The following NRG3 variants were observed in gnomAD, a reference collection of about 807,000 sequenced individuals.
NRG3 encodes neuregulin 3.
NRG3 carries 31 observed loss-of-function variants against 66.9 expected under a neutral mutation model. That is an observed-to-expected ratio of 0.46 (90% CI 0.35 to 0.63). NRG3 has a LOEUF of 0.63. Among genes scored for constraint, NRG3 ranks in the 20% least tolerant of loss-of-function variants. The probability of loss-of-function intolerance (pLI) is 0.00; values close to 1 mark genes in which losing one functional copy is unlikely to be tolerated. For synonymous variants in NRG3, 393 were observed against 359.4 expected (o/e 1.09, Z -1.06); for missense variants, 910 against 878.9 (o/e 1.04, Z -0.45).
intron 2 of NRG3, among the ~76,000 whole-genome samples, chr10:82,545,629 C>T (rs1023569879): frequency 7.2e-5 from 11 of 151,996 alleles, no homozygotes; most frequent in Non-Finnish European, 1.3e-4. Context: ...GATCCGCCCG[C>T]CTCGGCCTCC....
chr10:82,560,206 A>G (rs1274579919), intron 2 of NRG3, among the ~76,000 whole-genome samples: 1 of 151,690 alleles, frequency 6.6e-6, no homozygotes, highest in Non-Finnish European at 1.5e-5. Context: ...TTAACTTTTA[A>G]CTTATTTTTT....
chr10:82,131,970 T>C (rs2068855947), intron 1 of NRG3, among the ~76,000 whole-genome samples: 1 of 152,140 alleles, frequency 6.6e-6, no homozygotes, highest in Admixed American at 6.6e-5. Flanking sequence ...TAAGATTATA[T>C]CATCTGCAAG....
At chr10:82,700,591 C>G (rs979045147) in intron 2 of NRG3, among the ~76,000 whole-genome samples, 68 of 152,232 alleles carry the variant, frequency 4.5e-4, no homozygotes, top group African/African-American at 1.5e-3. Context: ...TAGGTGCCTT[C>G]TGATTGTCTA....
At chr10:82,504,041 T>C (rs1405093355) in intron 2 of NRG3, among the ~76,000 whole-genome samples, 3 of 152,222 alleles carry the variant, frequency 2.0e-5, no homozygotes, top group Non-Finnish European at 2.9e-5. Context: ...CTGTAGAAGA[T>C]GAACCAAAGC....
chr10:82,886,931 A>T (rs756385784), intron 4 of NRG3, among the ~76,000 whole-genome samples: 2 of 152,238 alleles, frequency 1.3e-5, no homozygotes, highest in African/African-American at 2.4e-5. Flanking sequence ...TGAGGATTCC[A>T]TACAATTAGC....
chr10:82,726,623 T>C (rs555205298), intron 2 of NRG3, among the ~76,000 whole-genome samples: 64 of 152,306 alleles, frequency 4.2e-4, no homozygotes, highest in Non-Finnish European at 7.2e-4. Flanking sequence ...ACCTCTTTTG[T>C]AAATTGCCCA....
chr10:81,998,477 A>AC (rs1444035130), intron 1 of NRG3, among the ~76,000 whole-genome samples: 1 of 152,052 alleles, frequency 6.6e-6, no homozygotes, highest in Non-Finnish European at 1.5e-5. Flanking sequence ...TGTAGTGTGG[A>AC]CCAGTGGACA....
chr10:82,876,667 G>A (rs2136025290), intron 4 of NRG3, among the ~76,000 whole-genome samples: 1 of 152,212 alleles, frequency 6.6e-6, no homozygotes, highest in African/African-American at 2.4e-5. Context: ...TGAAAATCTG[G>A]GATGTGCTAA....
intron 4 of NRG3, among the ~76,000 whole-genome samples, chr10:82,905,102 A>C (rs574595766): frequency 6.6e-6 from 1 of 152,270 alleles, no homozygotes; most frequent in Admixed American, 6.5e-5. Flanking sequence ...TTTAAAAAGG[A>C]AGTTTGGTTG....
chr10:82,880,631 G>T (rs140839482), intron 4 of NRG3, among the ~76,000 whole-genome samples: 31 of 152,252 alleles, frequency 2.0e-4, no homozygotes, highest in African/African-American at 7.5e-4. Context: ...TGGGCTCCAA[G>T]CACACTGGGC....
At chr10:81,877,924 A>T in intron 1 of NRG3, 5 of 1,537,200 alleles carry the variant, frequency 3.3e-6, no homozygotes, top group Non-Finnish European at 3.5e-6. Context: ...AAGACCCCAG[A>T]TTTTTGATCT....
chr10:81,941,025 A>G (rs1477624824), intron 1 of NRG3, among the ~76,000 whole-genome samples: 2 of 152,186 alleles, frequency 1.3e-5, no homozygotes, highest in African/African-American at 2.4e-5. Flanking sequence ...TCTAAGAAGC[A>G]CAGTAAAAAT....
chr10:82,475,137 G>T (rs906870491), intron 2 of NRG3, among the ~76,000 whole-genome samples: 1 of 151,624 alleles, frequency 6.6e-6, no homozygotes, highest in African/African-American at 2.4e-5. Context: ...AACAGAAAAA[G>T]AATAGAAAAA....
At chr10:82,211,743 A>G (rs1392202722) in intron 1 of NRG3, among the ~76,000 whole-genome samples, 1 of 152,210 alleles carries the variant, frequency 6.6e-6, no homozygotes, top group Non-Finnish European at 1.5e-5. Flanking sequence ...AGTAAAATTC[A>G]GTTGAGTGTG....
At chr10:82,896,867 G>T (rs1843706069) in intron 4 of NRG3, among the ~76,000 whole-genome samples, 1 of 152,178 alleles carries the variant, frequency 6.6e-6, no homozygotes. Context: ...GCATTTTAAA[G>T]AAACTTAGAG....
chr10:82,255,767 C>G (rs2077697064), intron 1 of NRG3, among the ~76,000 whole-genome samples: 1 of 151,290 alleles, frequency 6.6e-6, no homozygotes, highest in Admixed American at 6.6e-5. Flanking sequence ...CCACACCTGG[C>G]TAATTTTTGT....
At chr10:82,549,558 C>T (rs1291192520) in intron 2 of NRG3, among the ~76,000 whole-genome samples, 1 of 152,150 alleles carries the variant, frequency 6.6e-6, no homozygotes, top group East Asian at 1.9e-4. Flanking sequence ...ACCTCTTCCT[C>T]TGCCTGAGAT....
At chr10:82,884,153 T>G (rs920417419) in intron 4 of NRG3, among the ~76,000 whole-genome samples, 1 of 148,480 alleles carries the variant, frequency 6.7e-6, no homozygotes, top group African/African-American at 2.6e-5. Context: ...CATTAAAAAT[T>G]TCCCTTGGGG....
intron 1 of NRG3, among the ~76,000 whole-genome samples, chr10:82,189,573 C>T (rs527569461): frequency 2.1e-4 from 32 of 152,120 alleles, no homozygotes; most frequent in South Asian, 1.5e-3. Flanking sequence ...GGGCAGATCA[C>T]GAGGTTAGGA....
Sources: allele counts gnomAD v4.1 joint callset (sites outside exome capture counted in the v4.1 genomes callset), GRCh38; gene constraint gnomAD v4.1.1; transcripts MANE v1.5; gene names NCBI Gene and HGNC (gene_info 2026-07-23, HGNC 2026-07-21).